The following GNAS variants were observed in gnomAD, a reference collection of about 807,000 sequenced individuals.
GNAS encodes GNAS complex locus, also known as protein ALEX.
In GNAS, 8 loss-of-function variants were observed where a neutral mutation model predicts 54.5. That is an observed-to-expected ratio of 0.15 (90% confidence interval 0.09 to 0.26). The LOEUF (loss-of-function observed/expected upper bound fraction) is 0.26. Ranked by LOEUF, GNAS falls within the 10% of genes least tolerant of loss-of-function variation. The pLI, the probability that GNAS is intolerant of heterozygous loss-of-function variation, is 1.00. For synonymous variants in GNAS, 204 were observed against 191.4 expected (o/e 1.07, Z -0.54); for missense variants, 170 against 529.8 (o/e 0.32, Z 6.67).
chr20:58,898,256 T>G (rs892056186), intron 2 of GNAS: 2 of 151,712 alleles, frequency 1.3e-5, no homozygotes. Context: ...GGTTTTTGGT[T>G]TTTTTTTTCT....
At chr20:58,875,244 GATGAGCAC>G in intron 1 of GNAS, among the ~76,000 whole-genome samples, 1 of 152,278 alleles carries the variant, frequency 6.6e-6, no homozygotes, top group Non-Finnish European at 1.5e-5. Flanking sequence ...GGTGATCGTG[GATGAGCAC>G]ATGGCACATC....
At chr20:58,850,625 C>G (rs951770688) in intron 1 of GNAS, 1 of 399,150 alleles carries the variant, frequency 2.5e-6, no homozygotes, top group South Asian at 1.3e-4. Flanking sequence ...GGTCCTGGCC[C>G]TCTACCTCCC....
chr20:58,845,066 C>T (rs1228745315), intron 1 of GNAS, among the ~76,000 whole-genome samples: 1 of 152,086 alleles, frequency 6.6e-6, no homozygotes, highest in Non-Finnish European at 1.5e-5. Flanking sequence ...CCTTCTGTCC[C>T]TGACCTTGGT....
chr20:58,895,295 A>C (rs2089940102), intron 1 of GNAS: 1 of 394,934 alleles, frequency 2.5e-6, no homozygotes, highest in African/African-American at 2.1e-5. Context: ...AAATGACAAA[A>C]TTGCGTCATT....
At chr20:58,861,809 G>A (rs543491145) in intron 1 of GNAS, among the ~76,000 whole-genome samples, 58 of 152,230 alleles carry the variant, frequency 3.8e-4, no homozygotes, top group African/African-American at 1.2e-3. Context: ...GGGTTCAAGC[G>A]ATTCTCCTGC....
rs1162884466 is a variant in GNAS, at chr20:58,856,840, C to T, written c.43+15954C>T. On this transcript the variant is annotated intron_variant, in intron 1 of 12. Transcript: ENST00000306090. The surrounding 1 kb of genome is among the most constrained non-coding windows in gnomAD (Gnocchi z 4.2). ...TTTCCCCACCTCTCGGTGCCCTCCC[C>T]TCTCCAGGATCCCCCTCCTCACCCC... 1 of 152,116 alleles carries T rather than the reference C, an allele frequency of 6.6e-6. No homozygotes were observed. The highest frequency in any genetic ancestry group is 2.4e-5 in the African/African-American group (1 of 41,364). 9.4% of individuals were successfully genotyped at this position (152,116 alleles called of 1,614,324 possible).
chr20:58,889,258 GC>G, upstream of GNAS: 1 of 1,061,734 alleles, frequency 9.4e-7, no homozygotes, highest in Non-Finnish European at 1.1e-6. Flanking sequence ...GCTCCGGGCT[GC>G]GGCGCGGCGG....
chr20:58,840,157 C>A (rs2145469835), upstream of GNAS: 1 of 1,611,810 alleles, frequency 6.2e-7, no homozygotes. The surrounding 1 kb of genome is among the most constrained non-coding windows in gnomAD (Gnocchi z 6.0). Context: ...GCCATAATTA[C>A]AACGACCTGT....
At position 58,863,016 on chromosome 20, in the gene GNAS, C is replaced by T. The variant is rs899830699; in HGVS notation, c.43+22130C>T. On this transcript the variant is annotated intron_variant, in intron 1 of 12. Coordinates refer to the GNAS transcript ENST00000306090. This position sits in a 1 kb window ranked among gnomAD's most constrained non-coding sequence, Gnocchi z 4.1. ...ATGTGTTTAGTTTCCTTTCCAACAG[C>T]CAGATGGTGAACCAGGCCAGCTCAT... is the stretch of plus-strand genomic sequence containing the variant. Among the ~76,000 whole-genome samples, 2 of 151,422 alleles carry T rather than the reference C, an allele frequency of 1.3e-5. No individual in the cohort carries two copies. Among genetic ancestry groups the T allele is most frequent in the Non-Finnish European group, 2.9e-5 (2 of 67,950 alleles).
chr20:58,856,071 C>T lies in GNAS; in HGVS notation c.43+15185C>T, dbSNP rs2086490803. On this transcript the variant is annotated intron_variant, in intron 1 of 12. Coordinates refer to the GNAS transcript ENST00000306090. This position sits in a 1 kb window ranked among gnomAD's most constrained non-coding sequence, Gnocchi z 4.2. ...AAGCGGGGCCCTTGGCCTGGGGGAG[C>T]GGGGAATCGCTTTTCGCCGGCCTCC... The T allele has an allele frequency of 1.1e-5, 2 of 179,894 alleles. No homozygotes were observed. Among genetic ancestry groups the T allele is most frequent in the Admixed American group, 1.1e-4 (2 of 18,130 alleles). The allele number at this position is 179,894 out of a possible 1,614,324, so 11.1% of individuals were successfully genotyped here.
Position 58,898,935 on chromosome 20 carries a change from TAA to T in GNAS, c.213-3_213-2del. ...ATTAGGTGAGCTTTCAATCTCTCTT[TAA>T]AAGGGGCGGCGAAGAGGACCCGCAG... On this transcript the variant is annotated splice_polypyrimidine_tract_variant and splice_region_variant and intron_variant, in intron 2 of 12. Coordinates refer to ENST00000371085, the MANE Select transcript of GNAS (RefSeq NM_000516.7). 6.2e-7 allele frequency: 1 copy of T among 1,613,318 alleles called. No individual in the cohort carries two copies. The highest frequency in any genetic ancestry group is 8.5e-7 in the Non-Finnish European group (1 of 1,179,256).
At chr20:58,891,126 C>T (rs2089205873), upstream of GNAS, among the ~76,000 whole-genome samples, 1 of 145,684 alleles carries the variant, frequency 6.9e-6, no homozygotes, top group African/African-American at 2.5e-5. Flanking sequence ...TGCCCGAGCC[C>T]GGGGGGTGGG....
intron 1 of GNAS, among the ~76,000 whole-genome samples, chr20:58,877,760 G>C (rs537530939): frequency 6.6e-6 from 1 of 152,342 alleles, no homozygotes; most frequent in East Asian, 1.9e-4. Context: ...CCCACCTCCC[G>C]GCCTTGCCGG....
At chr20:58,854,716 C>A in intron 1 of GNAS, 1 of 1,533,556 alleles carries the variant, frequency 6.5e-7, no homozygotes, top group South Asian at 1.2e-5. Context: ...GAGACCCGGG[C>A]AGCCCATGTC....
chr20:58,909,404 G>T lies in GNAS; in HGVS notation c.640G>T (p.Val214Leu). 6.2e-7 allele frequency: 1 copy of T among 1,613,892 alleles called. No homozygotes were observed. The highest frequency in any genetic ancestry group is 8.5e-7 in the Non-Finnish European group (1 of 1,179,780). The change falls in exon 8 of 13, where the codon GTG becomes TTG. Residue 214 changes from valine (V) to leucine (L), a missense_variant. Physicochemically the swap from Val to Leu is conservative, Grantham distance 32. Around this residue, in one of 3 missense-constraint regions of GNAS, gnomAD observed 78 missense variants for 251.1 expected, o/e 0.31. Coordinates refer to ENST00000371085, the MANE Select transcript of GNAS (RefSeq NM_000516.7). This position sits in a 1 kb window ranked among gnomAD's most constrained non-coding sequence, Gnocchi z 7.3. ...TSGIFETKFQVDKVNFHMFDV... is the reference protein window; with the variant it reads ...TSGIFETKFQLDKVNFHMFDV... ...TGGAATCTTTGAGACCAAGTTCCAGGTGGACAAAGTCAACTTCCAGTAAGC... is the reference window on the plus strand; with the variant it reads ...TGGAATCTTTGAGACCAAGTTCCAGTTGGACAAAGTCAACTTCCAGTAAGC...
intron 1 of GNAS, among the ~76,000 whole-genome samples, chr20:58,846,370 G>C (rs912856722): frequency 2.0e-5 from 3 of 152,164 alleles, no homozygotes; most frequent in African/African-American, 7.2e-5. Context: ...AGCCAAATAT[G>C]GCATTGGAGG....
At position 58,910,280 on chromosome 20, in the gene GNAS, C is replaced by T. The variant is rs1478320325; in HGVS notation, c.971-54C>T. The T allele has an allele frequency of 4.3e-6, 6 of 1,397,890 alleles. No homozygotes were observed. In the African/African-American group the frequency reaches 5.6e-5, roughly 13 times the overall value. 86.6% of individuals were successfully genotyped at this position (1,397,890 alleles called of 1,614,324 possible). ...TCAGGAGCTACAGAGATGCTAGCAC[C>T]CCAGCTCTGCTTGAATTTTAAATTA... is the stretch of plus-strand genomic sequence containing the variant. On this transcript the variant is annotated intron_variant, in intron 11 of 12. Coordinates refer to ENST00000371085, the MANE Select transcript of GNAS (RefSeq NM_000516.7). This position sits in a 1 kb window ranked among gnomAD's most constrained non-coding sequence, Gnocchi z 5.8.
chr20:58,848,620 G>C (rs949660245), intron 1 of GNAS, among the ~76,000 whole-genome samples: 1 of 152,192 alleles, frequency 6.6e-6, no homozygotes, highest in Non-Finnish European at 1.5e-5. Flanking sequence ...TCTCCCTCCA[G>C]ATCAAGGCCA....
intron 3 of GNAS, chr20:58,900,036 A>G (rs574122173): frequency 2.8e-6 from 2 of 703,948 alleles, no homozygotes; most frequent in Non-Finnish European, 5.3e-6. Context: ...GCTCGGTCTT[A>G]GGAACTTCTA....
Sources: allele counts gnomAD v4.1 joint callset (sites outside exome capture counted in the v4.1 genomes callset), GRCh38; gene constraint gnomAD v4.1.1; regional missense constraint gnomAD v4.1.1; non-coding constraint Gnocchi (gnomAD v3.1); transcripts MANE v1.5; gene names NCBI Gene and HGNC (gene_info 2026-07-23, HGNC 2026-07-21).